The following CDH13 variants were observed in gnomAD, a reference collection of about 807,000 sequenced individuals.
The protein encoded by CDH13 is cadherin 13.
CDH13 carries 24 observed loss-of-function variants against 63.8 expected under a neutral mutation model. That is an observed-to-expected ratio of 0.38 (90% CI 0.27 to 0.53). The LOEUF (loss-of-function observed/expected upper bound fraction) is 0.53. CDH13 is among the 20% of genes least tolerant of loss of function. CDH13 has a pLI of 0.85. For synonymous variants in CDH13, 503 were observed against 355.3 expected (o/e 1.42, Z -4.67); for missense variants, 1,049 against 903.1 (o/e 1.16, Z -2.07).
chr16:82,760,284 T>C (rs1270607079), intron 1 of CDH13, among the ~76,000 whole-genome samples: 2 of 152,208 alleles, frequency 1.3e-5, no homozygotes, highest in African/African-American at 4.8e-5. Context: ...ATTAGCCTGT[T>C]ATCAAAATAA....
intron 6 of CDH13, among the ~76,000 whole-genome samples, chr16:83,351,280 CTTTT>C (rs5818442): frequency 7.4e-6 from 1 of 135,046 alleles, no homozygotes; most frequent in Non-Finnish European, 1.6e-5. Flanking sequence ...GTGGCTATTT[CTTTT>C]TTTTTTTTTT....
chr16:83,035,772 C>A (rs1019497057), intron 3 of CDH13, among the ~76,000 whole-genome samples: 1 of 152,110 alleles, frequency 6.6e-6, no homozygotes, highest in African/African-American at 2.4e-5. Context: ...ACCTCCTGAG[C>A]CTCTATGTAG....
chr16:83,058,573 T>A (rs2151517782), intron 3 of CDH13, among the ~76,000 whole-genome samples: 1 of 152,296 alleles, frequency 6.6e-6, no homozygotes, highest in Non-Finnish European at 1.5e-5. Flanking sequence ...AGGGCTGGAC[T>A]TTAGGGGCCA....
chr16:83,225,975 C>T (rs1371471955), intron 5 of CDH13, among the ~76,000 whole-genome samples: 2 of 152,224 alleles, frequency 1.3e-5, no homozygotes, highest in Admixed American at 1.3e-4. Flanking sequence ...AACTGCTTCA[C>T]TCTGAGCAAA....
rs150397661 is a variant in CDH13 at position 82,687,769 on chromosome 16, T to G, written c.45+60632T>G. Among the ~76,000 whole-genome samples, 1,073 of 152,258 alleles carry G rather than the reference T, an allele frequency of 7.0e-3. 11 individuals carry two copies. The highest frequency in any genetic ancestry group is 0.025 in the African/African-American group (1,025 of 41,542). ...TCATTTGGAATATGGTTGCCTTCCATTCTGATCTCATTCTATCAAAGTTGG... is the reference window on the plus strand; with the variant it reads ...TCATTTGGAATATGGTTGCCTTCCAGTCTGATCTCATTCTATCAAAGTTGG... On this transcript the variant is annotated intron_variant, in intron 1 of 13. Transcript: ENST00000567109.
intron 5 of CDH13, among the ~76,000 whole-genome samples, chr16:83,286,621 C>T (rs1243486990): frequency 6.6e-6 from 1 of 151,790 alleles, no homozygotes; most frequent in Non-Finnish European, 1.5e-5. Flanking sequence ...CCAGGCATGG[C>T]AGCATGCGCT....
At chr16:83,555,692 G>T (rs944380456) in intron 7 of CDH13, among the ~76,000 whole-genome samples, 1 of 152,200 alleles carries the variant, frequency 6.6e-6, no homozygotes, top group Non-Finnish European at 1.5e-5. Flanking sequence ...CAATCTGTTT[G>T]GGGGATAGTT....
intron 6 of CDH13, among the ~76,000 whole-genome samples, chr16:83,361,726 C>T (rs1192997777): frequency 6.6e-6 from 1 of 152,088 alleles, no homozygotes; most frequent in Admixed American, 6.6e-5. Flanking sequence ...TGTGGAAGAG[C>T]AGATGCCTAT....
rs1047286064 is a variant in CDH13, at chr16:83,579,979, G to A, written c.961-22475G>A. Among the ~76,000 whole-genome samples the A allele has an allele frequency of 3.9e-5, 6 of 152,198 alleles. No homozygotes were observed. In the South Asian group the frequency reaches 1.0e-3, roughly 26 times the overall value. On this transcript the variant is annotated intron_variant, in intron 7 of 13. Coordinates refer to ENST00000567109, the MANE Select transcript of CDH13 (RefSeq NM_001257.5). ...GGCTGTCCCAGGCAAAGGGAATGGCGTTTTCAAAGGCTCAGAAGTAGAGAG... is the reference window on the plus strand; with the variant it reads ...GGCTGTCCCAGGCAAAGGGAATGGCATTTTCAAAGGCTCAGAAGTAGAGAG...
chr16:83,744,706 G>T (rs368540407), intron 10 of CDH13, among the ~76,000 whole-genome samples: 47 of 152,252 alleles, frequency 3.1e-4, no homozygotes, highest in African/African-American at 1.1e-3. Context: ...CCCCGAGGGC[G>T]CCCCGCACAA....
At chr16:83,464,119 G>A (rs2073248456) in intron 6 of CDH13, among the ~76,000 whole-genome samples, 1 of 152,110 alleles carries the variant, frequency 6.6e-6, no homozygotes, top group African/African-American at 2.4e-5. Context: ...TGTTATCTAG[G>A]CTGGAGTGCA....
intron 1 of CDH13, among the ~76,000 whole-genome samples, chr16:82,685,667 A>C (rs1914991507): frequency 7.7e-6 from 1 of 129,948 alleles, no homozygotes; most frequent in Non-Finnish European, 1.7e-5. Context: ...TACACAAGGC[A>C]GAGTTTGCAG....
chr16:83,046,412 C>T (rs2151496043), intron 3 of CDH13, among the ~76,000 whole-genome samples: 1 of 152,192 alleles, frequency 6.6e-6, no homozygotes, highest in Non-Finnish European at 1.5e-5. Flanking sequence ...CTTTCTCTAT[C>T]ACACAAAGAA....
intron 2 of CDH13, among the ~76,000 whole-genome samples, chr16:82,923,655 A>C (rs1210491845): frequency 1.3e-5 from 2 of 152,220 alleles, no homozygotes; most frequent in African/African-American, 2.4e-5. Flanking sequence ...CCTACTTAGT[A>C]GGATAGCCAT....
intron 4 of CDH13, among the ~76,000 whole-genome samples, chr16:83,149,097 T>C (rs544540987): frequency 1.3e-5 from 2 of 152,226 alleles, no homozygotes; most frequent in East Asian, 1.9e-4. Context: ...CTTGTTACTA[T>C]GGCTACATGT....
chr16:83,626,692 C>T (rs989879662), intron 8 of CDH13, among the ~76,000 whole-genome samples: 3 of 152,084 alleles, frequency 2.0e-5, no homozygotes, highest in Non-Finnish European at 2.9e-5. Flanking sequence ...CGGAGGATGA[C>T]TTTGCCTCCT....
At chr16:82,949,607 TA>T (rs1905090473) in intron 2 of CDH13, among the ~76,000 whole-genome samples, 1 of 152,184 alleles carries the variant, frequency 6.6e-6, no homozygotes, top group Non-Finnish European at 1.5e-5. Flanking sequence ...CTGGGTGAGA[TA>T]AAAACCAACT....
intron 10 of CDH13, among the ~76,000 whole-genome samples, chr16:83,679,156 TTAGA>T (rs1915199544): frequency 6.6e-6 from 1 of 152,196 alleles, no homozygotes; most frequent in Non-Finnish European, 1.5e-5. Flanking sequence ...TGCCCAGTGC[TTAGA>T]TAGAAAGCAT....
At chr16:82,782,738 G>C (rs1047047693) in intron 1 of CDH13, among the ~76,000 whole-genome samples, 1 of 152,140 alleles carries the variant, frequency 6.6e-6, no homozygotes, top group Non-Finnish European at 1.5e-5. Flanking sequence ...TCACGACCAA[G>C]CACATGCTGG....
Sources: allele counts gnomAD v4.1 joint callset (sites outside exome capture counted in the v4.1 genomes callset), GRCh38; gene constraint gnomAD v4.1.1; transcripts MANE v1.5; gene names NCBI Gene and HGNC (gene_info 2026-07-23, HGNC 2026-07-21).